The following ITGAM variants were observed in gnomAD, a reference collection of about 807,000 sequenced individuals.
The protein encoded by ITGAM is integrin alpha-M.
A neutral mutation model predicts 137.5 loss-of-function variants in ITGAM; 79 were observed. That is an observed-to-expected ratio of 0.57 (90% CI 0.48 to 0.69). The LOEUF is 0.69. ITGAM is among the 30% of genes least tolerant of loss of function. The probability of loss-of-function intolerance (pLI) is 0.00; values close to 1 mark genes in which losing one functional copy is unlikely to be tolerated. For synonymous variants in ITGAM, 583 were observed against 592.3 expected (o/e 0.98, Z 0.23); for missense variants, 1,343 against 1,483.5 (o/e 0.91, Z 1.56).
chr16:31,297,806 T>C lies in ITGAM; in HGVS notation c.1559T>C (p.Phe520Ser). Residue 520 changes from phenylalanine to serine, a missense_variant, in exon 14 of 30, where the codon TTT (phenylalanine) becomes TCT (serine). Physicochemically the swap from Phe to Ser is radical, Grantham distance 155 (BLOSUM62 -2). Coordinates refer to ENST00000544665, the MANE Select transcript of ITGAM (RefSeq NM_000632.4). ...YGEQGQPWGR[F>S]GAALTVLGDV... ...GAGCAGGGCCAACCCTGGGGCCGCT[T>C]TGGGGCAGCCCTAACAGTGCTGGGG... 3.1e-6 allele frequency: 5 copies of C among 1,609,946 alleles called. No homozygotes were observed. Among genetic ancestry groups the C allele is most frequent in the Non-Finnish European group, 4.2e-6 (5 of 1,178,636 alleles).
In ITGAM at chr16:31,324,767, A is replaced by G. The variant is rs1266148477; in HGVS notation, c.2274A>G (p.Arg758=). ...CAGTGCTGGCGGAGGATGCTCAGAG[A>G]CTCTTCACAGCCTTGGTGAGTCCAG... is the stretch of plus-strand genomic sequence containing the variant. ...LRPVLAEDAQ[R]LFTALFPFEK... is the part of the protein sequence containing the mutation. Residue 758 remains arginine, a synonymous_variant, in exon 18 of 30, where the codon AGA becomes AGG. Transcript: ENST00000544665. This position sits in a 1 kb window ranked among gnomAD's most constrained non-coding sequence, Gnocchi z 4.5. The G allele has an allele frequency of 6.4e-7, 1 of 1,568,336 alleles. No homozygotes were observed. The highest frequency in any genetic ancestry group is 1.4e-5 in the African/African-American group (1 of 73,138).
At chr16:31,310,651 TAGCTCAG>T (rs2080317940) in intron 14 of ITGAM, among the ~76,000 whole-genome samples, 1 of 152,224 alleles carries the variant, frequency 6.6e-6, no homozygotes. Flanking sequence ...CTTCCTCCTT[TAGCTCAG>T]AGTAGTTTGA....
chr16:31,316,387 G>GA (rs553192628), intron 14 of ITGAM, among the ~76,000 whole-genome samples: 46,713 of 137,588 alleles, frequency 0.34, 8,960 homozygotes, highest in East Asian at 0.69. Context: ...ACTCCGTCTG[G>GA]AAAAAAAAAA....
chr16:31,268,352 T>C (rs771899810), intron 5 of ITGAM, among the ~76,000 whole-genome samples: 1 of 152,194 alleles, frequency 6.6e-6, no homozygotes, highest in Non-Finnish European at 1.5e-5. Flanking sequence ...TTAAAAAATA[T>C]ATAATACATA....
chr16:31,328,363 TG>T, intron 23 of ITGAM, 133 bp downstream of exon 23: 1 of 725,730 alleles, frequency 1.4e-6, no homozygotes, highest in Non-Finnish European at 2.4e-6. Context: ...TATGTGTGCA[TG>T]GGTGTGTATT....
chr16:31,328,166 A>G lies in ITGAM; in HGVS notation c.2728A>G (p.Thr910Ala). 6.2e-7 allele frequency: 1 copy of G among 1,613,938 alleles called. No individual in the cohort carries two copies. The highest frequency in any genetic ancestry group is 8.5e-7 in the Non-Finnish European group (1 of 1,179,838). ...NVTSENNMPR[T>A]NKTEFQLELP... is the part of the protein sequence containing the mutation. Reference sequence around the variant, plus strand: ...CTCCAGTGAGAACAACATGCCCAGAACCAACAAAACCGAATTCCAACTGGA... The same window carrying G: ...CTCCAGTGAGAACAACATGCCCAGAGCCAACAAAACCGAATTCCAACTGGA... Residue 910 changes from threonine to alanine, a missense_variant, in exon 23 of 30, where the codon ACC (threonine) becomes GCC (alanine). Coordinates refer to ENST00000544665, the MANE Select transcript of ITGAM (RefSeq NM_000632.4).
At chr16:31,267,244 C>T (rs2079779821) in intron 5 of ITGAM, among the ~76,000 whole-genome samples, 1 of 152,020 alleles carries the variant, frequency 6.6e-6, no homozygotes, top group Non-Finnish European at 1.5e-5. Context: ...GCTATGCCAT[C>T]TTTTTGCTTG....
At position 31,329,935 on chromosome 16, in the gene ITGAM, G is replaced by C. The variant is rs771287151; in HGVS notation, c.2976+30G>C. 14 of 1,543,842 alleles carry C rather than the reference G, an allele frequency of 9.1e-6. No homozygotes were observed. The South Asian group carries it at 9.5e-5, about 10-fold the overall frequency. On this transcript the variant is annotated intron_variant, in intron 25 of 29. Coordinates refer to ENST00000544665, the MANE Select transcript of ITGAM (RefSeq NM_000632.4). Reference sequence around the variant, plus strand: ...GCGGAGCTCGGCCTGACTCCTGCACGGCCCTGCGCGTTCCTCTCACCTCTG... The same window carrying C: ...GCGGAGCTCGGCCTGACTCCTGCACCGCCCTGCGCGTTCCTCTCACCTCTG...
chr16:31,278,858 G>A (rs1467301784), intron 12 of ITGAM, among the ~76,000 whole-genome samples: 2 of 152,184 alleles, frequency 1.3e-5, no homozygotes, highest in African/African-American at 4.8e-5. Flanking sequence ...ATTTACATTA[G>A]GTATATCTGC....
At chr16:31,298,457 A>G (rs542733672) in intron 14 of ITGAM, among the ~76,000 whole-genome samples, 2 of 152,306 alleles carry the variant, frequency 1.3e-5, no homozygotes, top group South Asian at 4.1e-4. Flanking sequence ...GATTATTTCT[A>G]CAGCAATAGG....
At chr16:31,289,783 G>A (rs968063031) in intron 12 of ITGAM, among the ~76,000 whole-genome samples, 2 of 152,084 alleles carry the variant, frequency 1.3e-5, no homozygotes, top group African/African-American at 4.8e-5. Context: ...ATTGTTTAGG[G>A]ATATAGAAAT....
At chr16:31,319,458 A>G (rs1008566107) in intron 14 of ITGAM, among the ~76,000 whole-genome samples, 15 of 152,016 alleles carry the variant, frequency 9.9e-5, no homozygotes, top group African/African-American at 3.1e-4. Context: ...CTTAAAGTCT[A>G]TTTTGTCTGA....
In ITGAM at chr16:31,326,862, T is replaced by G. The variant is rs774219893; in HGVS notation, c.2635T>G (p.Phe879Val). 6.2e-7 allele frequency: 1 copy of G among 1,610,478 alleles called. No individual in the cohort carries two copies. Among genetic ancestry groups the G allele is most frequent in the African/African-American group, 1.3e-5 (1 of 74,876 alleles). Reference sequence around the variant, plus strand: ...CTCCTTTCTCTCACTCCAGGTCACCTTTAATATCACGTTTGATGTAGACTC... The same window carrying G: ...CTCCTTTCTCTCACTCCAGGTCACCGTTAATATCACGTTTGATGTAGACTC... Reference protein sequence around the residue: ...PIFPENSEVTFNITFDVDSKA... With the variant: ...PIFPENSEVTVNITFDVDSKA... Residue 879 changes from phenylalanine to valine, a missense_variant, in exon 22 of 30, where the codon TTT becomes GTT. Phe to Val is a conservative substitution (Grantham distance 50, BLOSUM62 -1). Transcript: ENST00000544665.
rs201880179 is a variant in ITGAM at position 31,276,753 on chromosome 16, C to G, written c.1083+9C>G. ...GCGCTGCCATCACCTCTGTAAGTGGCCCTTCATTAAATTGCGGGGGTGGGG... is the reference window on the plus strand; with the variant it reads ...GCGCTGCCATCACCTCTGTAAGTGGGCCTTCATTAAATTGCGGGGGTGGGG... On this transcript the variant is annotated intron_variant, in intron 10 of 29. Transcript: ENST00000544665. The G allele has an allele frequency of 2.0e-5, 32 of 1,607,484 alleles. No individual in the cohort carries two copies. In the East Asian group the frequency reaches 6.7e-4, roughly 34 times the overall value.
chr16:31,295,596 GT>G (rs752245239), intron 12 of ITGAM, among the ~76,000 whole-genome samples: 11 of 150,254 alleles, frequency 7.3e-5, no homozygotes, highest in Non-Finnish European at 7.4e-5. Context: ...TTTTGGTGGA[GT>G]TTTTAGGGTT....
chr16:31,272,015 G>A, intron 7 of ITGAM, 23 bp downstream of exon 7: 1 of 1,613,798 alleles, frequency 6.2e-7, no homozygotes, highest in South Asian at 1.1e-5. Flanking sequence ...TTTTCCCTTA[G>A]GATGGAGGGA....
chr16:31,323,856 T>C (rs534363925), intron 16 of ITGAM, among the ~76,000 whole-genome samples: 4 of 151,798 alleles, frequency 2.6e-5, no homozygotes, highest in South Asian at 2.1e-4. Flanking sequence ...CTACTAAAAA[T>C]ACAAAAATTA....
intron 12 of ITGAM, among the ~76,000 whole-genome samples, chr16:31,290,362 C>T (rs2080075130): frequency 6.6e-6 from 1 of 152,042 alleles, no homozygotes; most frequent in Non-Finnish European, 1.5e-5. Context: ...TACTAAAACC[C>T]AGTGAACCTT....
intron 12 of ITGAM, among the ~76,000 whole-genome samples, chr16:31,283,196 C>T (rs532967088): frequency 3.3e-5 from 5 of 152,218 alleles, no homozygotes; most frequent in East Asian, 1.9e-4. Context: ...AATTATGTGT[C>T]TTGGAGTTGC....
Sources: gnomAD v4.1 joint callset for allele counts (sites outside exome capture counted in the v4.1 genomes callset) on GRCh38, gnomAD v4.1.1 for gene constraint, Gnocchi (gnomAD v3.1) non-coding constraint, MANE v1.5 for transcripts, NCBI Gene and HGNC (gene_info 2026-07-23, HGNC 2026-07-21) for gene names.